The following ZNF407 variants were observed in gnomAD, a reference collection of about 807,000 sequenced individuals.
ZNF407 encodes zinc finger protein 407.
ZNF407 carries 17 observed loss-of-function variants against 131.2 expected under a neutral mutation model. That is an observed-to-expected ratio of 0.13 (90% CI 0.09 to 0.19). The LOEUF (loss-of-function observed/expected upper bound fraction) is 0.19, where lower values mean the gene tolerates loss of function less well. Ranked by LOEUF, ZNF407 falls within the 10% of genes least tolerant of loss-of-function variation. The pLI is 1.00. For missense variants in ZNF407, 2,681 were observed against 2,830.6 expected (o/e 0.95, Z 1.20); for synonymous variants, 1,156 against 1,062.0 (o/e 1.09, Z -1.72).
intron 6 of ZNF407, among the ~76,000 whole-genome samples, chr18:74,882,514 C>T (rs1196064061): frequency 6.6e-6 from 1 of 152,180 alleles, no homozygotes; most frequent in East Asian, 1.9e-4. Context: ...CAGGTAGCTT[C>T]TGTGCCCAAT....
At chr18:74,888,612 C>T (rs4891199) in intron 6 of ZNF407, among the ~76,000 whole-genome samples, 46,948 of 151,960 alleles carry the variant, frequency 0.31, 7,462 homozygotes, top group South Asian at 0.41. Context: ...CTGTTCCAAC[C>T]ATATTTAAAC....
At chr18:74,701,241 G>A (rs983003753) in intron 3 of ZNF407, among the ~76,000 whole-genome samples, 1 of 152,148 alleles carries the variant, frequency 6.6e-6, no homozygotes, top group South Asian at 2.1e-4. Flanking sequence ...AGGGCAGCCC[G>A]AGCAGACTGA....
intron 4 of ZNF407, among the ~76,000 whole-genome samples, chr18:74,828,927 C>T (rs1008124603): frequency 3.3e-5 from 5 of 152,144 alleles, no homozygotes; most frequent in East Asian, 1.9e-4. Context: ...TAGGGCTAAC[C>T]GTCCTCCTCT....
At chr18:74,668,968 A>G (rs528647088) in intron 3 of ZNF407, among the ~76,000 whole-genome samples, 2 of 151,420 alleles carry the variant, frequency 1.3e-5, no homozygotes, top group African/African-American at 2.4e-5. Flanking sequence ...GCTTAGCTCC[A>G]CTGGCCATGA....
In ZNF407 at chr18:75,064,594, A is replaced by G; in HGVS notation, c.*126A>G. The G allele has an allele frequency of 1.1e-6, 1 of 892,872 alleles. No individual in the cohort carries two copies. Among genetic ancestry groups the G allele is most frequent in the Non-Finnish European group, 1.6e-6 (1 of 621,494 alleles). 55.3% of individuals were successfully genotyped at this position (892,872 alleles called of 1,614,324 possible). On this transcript the variant is annotated 3_prime_UTR_variant, in exon 9 of 9. Coordinates refer to ENST00000299687, the MANE Select transcript of ZNF407 (RefSeq NM_017757.3). ...GAGGACAAGGCTCCCGTGAGCTCTG[A>G]GCATGCCCTCCCAGCGAGAGTCACA...
At chr18:75,014,731 G>A (rs1004944937) in intron 8 of ZNF407, among the ~76,000 whole-genome samples, 14 of 151,926 alleles carry the variant, frequency 9.2e-5, no homozygotes, top group Admixed American at 3.9e-4. Context: ...GTACATTTAC[G>A]TGTTGTTTTT....
chr18:74,831,691 T>C (rs1416476356), intron 4 of ZNF407, among the ~76,000 whole-genome samples: 2 of 152,220 alleles, frequency 1.3e-5, no homozygotes, highest in Non-Finnish European at 2.9e-5. Context: ...TTCCACCTTT[T>C]GGCCAATGCG....
intron 4 of ZNF407, among the ~76,000 whole-genome samples, chr18:74,851,826 A>C (rs1268821144): frequency 6.6e-6 from 1 of 152,234 alleles, no homozygotes; most frequent in African/African-American, 2.4e-5. Flanking sequence ...AAGTGCCCTT[A>C]GCATTCATTT....
At chr18:75,054,841 C>T (rs906541853) in intron 8 of ZNF407, among the ~76,000 whole-genome samples, 2 of 152,244 alleles carry the variant, frequency 1.3e-5, no homozygotes, top group Non-Finnish European at 2.9e-5. Context: ...TTCTGGAAGC[C>T]TCACTCCTGA....
At chr18:74,670,621 G>A (rs192495322) in intron 3 of ZNF407, among the ~76,000 whole-genome samples, 206 of 152,282 alleles carry the variant, frequency 1.4e-3, no homozygotes, top group African/African-American at 4.8e-3. Flanking sequence ...AGGAAATAGA[G>A]GGTTTTTAAA....
chr18:74,768,959 T>G (rs780685040), intron 3 of ZNF407, among the ~76,000 whole-genome samples: 4 of 152,176 alleles, frequency 2.6e-5, no homozygotes, highest in Non-Finnish European at 5.9e-5. Flanking sequence ...CTGCCATCCT[T>G]CCTCTTGTCT....
chr18:74,732,126 A>G (rs530226517), intron 3 of ZNF407, among the ~76,000 whole-genome samples: 3 of 152,262 alleles, frequency 2.0e-5, no homozygotes, highest in South Asian at 4.2e-4. Context: ...TTGAATGTAG[A>G]TATTTATTAT....
At chr18:74,779,133 T>G (rs1341176094) in intron 3 of ZNF407, among the ~76,000 whole-genome samples, 1 of 107,882 alleles carries the variant, frequency 9.3e-6, no homozygotes, top group Non-Finnish European at 1.9e-5. Context: ...TTTTTTTTTT[T>G]GAGACGGAGG....
At chr18:74,621,881 A>T (rs555624444) in intron 1 of ZNF407, among the ~76,000 whole-genome samples, 175 of 152,310 alleles carry the variant, frequency 1.1e-3, no homozygotes, top group African/African-American at 3.9e-3. Context: ...CAGGACTGTG[A>T]GGACGTGGGT....
chr18:74,789,342 A>G (rs539803648), intron 4 of ZNF407, among the ~76,000 whole-genome samples: 1 of 152,214 alleles, frequency 6.6e-6, no homozygotes, highest in East Asian at 1.9e-4. Flanking sequence ...GTGTGCCTTG[A>G]GCTCAGTGGC....
rs114605361 is a variant in ZNF407, at chr18:74,990,885, G to A, written c.5428+70193G>A. On this transcript the variant is annotated intron_variant, in intron 8 of 8. Coordinates refer to ENST00000299687, the MANE Select transcript of ZNF407 (RefSeq NM_017757.3). ...AATGTCAGCTGAACTCGTGGGGAAG[G>A]GGAAGTGCTGATATGTCCTCCCTTG... Among the ~76,000 whole-genome samples, 1,457 of 152,278 alleles carry A rather than the reference G, an allele frequency of 9.6e-3. 16 individuals are homozygous for A. The highest frequency in any genetic ancestry group is 0.027 in the African/African-American group (1,126 of 41,546).
At chr18:74,770,620 C>A (rs775556889) in intron 3 of ZNF407, among the ~76,000 whole-genome samples, 6 of 152,122 alleles carry the variant, frequency 3.9e-5, no homozygotes, top group Admixed American at 6.5e-5. Context: ...ATAGTTAAAT[C>A]TTCATATGGA....
At chr18:74,668,479 T>G (rs1218127460) in intron 3 of ZNF407, among the ~76,000 whole-genome samples, 2 of 152,240 alleles carry the variant, frequency 1.3e-5, no homozygotes, top group African/African-American at 4.8e-5. Context: ...TCCACAGCCT[T>G]TAAAGTTTGC....
intron 4 of ZNF407, among the ~76,000 whole-genome samples, chr18:74,839,968 T>C (rs1196517235): frequency 2.0e-5 from 3 of 152,120 alleles, no homozygotes; most frequent in Non-Finnish European, 4.4e-5. Context: ...CTTTTTCAAA[T>C]TGAGTTTTGT....
Sources: allele counts gnomAD v4.1 joint callset (sites outside exome capture counted in the v4.1 genomes callset), GRCh38; gene constraint gnomAD v4.1.1; transcripts MANE v1.5; gene names NCBI Gene and HGNC (gene_info 2026-07-23, HGNC 2026-07-21).